SPRTN: variants seen among roughly 807,000 people sequenced by gnomAD.
SPRTN encodes SprT-like N-terminal domain, also known as DNA-dependent metalloprotease SPRTN.
Under a neutral mutation model 31.9 loss-of-function variants are expected in SPRTN, and 11 were observed. The observed-to-expected ratio is 0.34, with a 90% CI of 0.22 to 0.57. SPRTN has a LOEUF of 0.57. SPRTN is among the 20% of genes least tolerant of loss of function. The pLI, the probability that SPRTN is intolerant of heterozygous loss-of-function variation, is 0.86. For synonymous variants in SPRTN, 185 were observed against 212.1 expected, an observed-to-expected ratio of 0.87 and a Z score of 1.11; for missense variants, 482 against 590.1, an observed-to-expected ratio of 0.82 and a Z score of 1.90.
chr1:231,354,102 G>T lies in SPRTN; in HGVS notation c.*741G>T. The stretch of plus-strand genomic sequence containing the variant: ...AATTTAGCAGAGTGGTTAAAATTCT[G>T]TGCTGATAAGTAACTGATACATATA... On this transcript the variant is annotated 3_prime_UTR_variant, in exon 5 of 5. Transcript: ENST00000295050. 1 of 984,976 alleles carries T rather than the reference G, an allele frequency of 1.0e-6. No individual in the cohort carries two copies. Among genetic ancestry groups the T allele is most frequent in the Non-Finnish European group, 1.2e-6 (1 of 829,544 alleles). 61.0% of individuals were successfully genotyped at this position (984,976 alleles called of 1,614,324 possible).
intron 3 of SPRTN, 74 bp from the exon 4 acceptor site, chr1:231,351,226 AAAAG>A: frequency 4.1e-6 from 5 of 1,225,014 alleles, no homozygotes; most frequent in South Asian, 7.0e-5. Context: ...AAAAAAAAAA[AAAAG>A]ACTGCTTATG....
chr1:231,339,630 G>C (rs1437375512), intron 1 of SPRTN, 139 bp from the exon 2 acceptor site: 3 of 897,576 alleles, frequency 3.3e-6, no homozygotes, highest in Admixed American at 2.0e-5. Flanking sequence ...TAGGTGAAAT[G>C]CAAGTATCTG....
chr1:231,346,852 G>A (rs556853224), intron 2 of SPRTN, among the ~76,000 whole-genome samples: 1 of 152,018 alleles, frequency 6.6e-6, no homozygotes, highest in African/African-American at 2.4e-5. Flanking sequence ...TGAGGCACGA[G>A]AATCACTTGG....
chr1:231,346,931 G>A (rs957833476), intron 2 of SPRTN, among the ~76,000 whole-genome samples: 4 of 126,898 alleles, frequency 3.2e-5, no homozygotes, highest in African/African-American at 1.1e-4. Flanking sequence ...AACAGAGTAA[G>A]ACCCTGTCTC....
intron 3 of SPRTN, among the ~76,000 whole-genome samples, chr1:231,349,764 C>T (rs557375592): frequency 2.0e-4 from 30 of 152,296 alleles, no homozygotes; most frequent in African/African-American, 6.3e-4. Flanking sequence ...AATCCCAGCA[C>T]TTTGGGAGGC....
rs954645715 is a variant in SPRTN at position 231,353,358 on chromosome 1, T to G, written c.1467T>G (p.Leu489=). The G allele has an allele frequency of 1.3e-6, 2 of 1,572,350 alleles. No homozygotes were observed. The highest frequency in any genetic ancestry group is 1.7e-6 in the Non-Finnish European group (2 of 1,164,620). ...TCAAAGTCAAAAGCGAAGAAAGTCT[T>G]TGAAAAAGGTTTCAAAGTCTCAAGT... ...DSIKVKSEES[L] Residue 489 remains leucine (L), a synonymous_variant, in exon 5 of 5, where the codon CTT becomes CTG. Transcript: ENST00000295050.
intron 2 of SPRTN, chr1:231,344,729 A>C (rs1207992400): frequency 6.4e-6 from 2 of 312,402 alleles, no homozygotes; most frequent in African/African-American, 4.4e-5. Context: ...GTCTTTGAAG[A>C]TCTTTCTGAT....
intron 4 of SPRTN, chr1:231,351,972 G>C (rs1419502336): frequency 2.1e-5 from 21 of 1,008,044 alleles, no homozygotes; most frequent in Admixed American, 5.5e-5. Context: ...ACAATGCCCG[G>C]AATATACGTC....
chr1:231,350,771 T>A (rs1687199820), intron 3 of SPRTN, among the ~76,000 whole-genome samples: 1 of 152,066 alleles, frequency 6.6e-6, no homozygotes. Context: ...ACTTGGAGAA[T>A]GTGGAGAGTG....
At chr1:231,339,464 C>A in intron 1 of SPRTN, 1 of 591,552 alleles carries the variant, frequency 1.7e-6, no homozygotes, top group South Asian at 1.7e-5. Flanking sequence ...CACTAGGTCC[C>A]CGTTGTACAC....
Position 231,352,599 on chromosome 1 carries a change from T to A in SPRTN, c.719-11T>A. On this transcript the variant is annotated splice_polypyrimidine_tract_variant and intron_variant, in intron 4 of 4. Transcript: ENST00000295050. Reference sequence around the variant, plus strand: ...GCACTTACATAACAATCTTCTTTGCTTTTTTGGCAGATAAACCCAACAGAG... The same window carrying A: ...GCACTTACATAACAATCTTCTTTGCATTTTTGGCAGATAAACCCAACAGAG... The A allele has an allele frequency of 6.5e-7, 1 of 1,548,546 alleles. No individual in the cohort carries two copies. The highest frequency in any genetic ancestry group is 8.7e-7 in the Non-Finnish European group (1 of 1,152,640).
At chr1:231,349,495 G>A (rs773789640) in intron 3 of SPRTN, among the ~76,000 whole-genome samples, 5 of 152,126 alleles carry the variant, frequency 3.3e-5, no homozygotes, top group African/African-American at 7.2e-5. Flanking sequence ...CCTTGTATAC[G>A]TCCCATTGTT....
chr1:231,352,397 G>A, intron 4 of SPRTN: 1 of 1,226,270 alleles, frequency 8.2e-7, no homozygotes. Context: ...TTAAATATGA[G>A]AGAATTTTTT....
chr1:231,339,949 G>C, intron 2 of SPRTN, 81 bp downstream of exon 2: 1 of 1,328,052 alleles, frequency 7.5e-7, no homozygotes, highest in Non-Finnish European at 1.1e-6. Context: ...GAATTCGCCT[G>C]TATGTATCGT....
At chr1:231,340,046 GT>G in intron 2 of SPRTN, 178 bp downstream of exon 2, 2 of 249,938 alleles carry the variant, frequency 8.0e-6, no homozygotes, top group East Asian at 7.4e-5. Flanking sequence ...GTGCTTCATA[GT>G]AAAAAAAAAA....
chr1:231,354,729 A>G lies in SPRTN; in HGVS notation c.*1368A>G, dbSNP rs1687342447. ...TATTCATCCATTCTAATGTTAATGG[A>G]CATTTGAATTATTTCCAGTTTGGGG... On this transcript the variant is annotated 3_prime_UTR_variant, in exon 5 of 5. Coordinates refer to ENST00000295050, the MANE Select transcript of SPRTN (RefSeq NM_032018.7). The G allele has an allele frequency of 6.6e-6, 1 of 152,536 alleles. No individual in the cohort carries two copies. Among genetic ancestry groups the G allele is most frequent in the South Asian group, 2.1e-4 (1 of 4,844 alleles). The allele number at this position is 152,536 out of a possible 1,614,324, so 9.4% of individuals were successfully genotyped here.
chr1:231,350,131 A>G (rs1195093358), intron 3 of SPRTN, among the ~76,000 whole-genome samples: 1 of 152,228 alleles, frequency 6.6e-6, no homozygotes, highest in African/African-American at 2.4e-5. Flanking sequence ...TATGTCCTTC[A>G]GTCCCTTCTG....
chr1:231,352,542 A>T, intron 4 of SPRTN, 68 bp from the exon 5 acceptor site: 5 of 1,515,884 alleles, frequency 3.3e-6, no homozygotes, highest in Non-Finnish European at 1.8e-6. Context: ...ACATTAGTTT[A>T]ATGTTTGTTA....
Position 231,354,144 on chromosome 1 carries a change from G to GT in SPRTN, c.*785dup. ...ATACATATAACATAAACATAACAAAGTTGCCTAGTTGATGTAACAGTGGAA... is the reference window on the plus strand; with the variant it reads ...ATACATATAACATAAACATAACAAAGTTTGCCTAGTTGATGTAACAGTGGAA... On this transcript the variant is annotated 3_prime_UTR_variant, in exon 5 of 5. Coordinates refer to ENST00000295050, the MANE Select transcript of SPRTN (RefSeq NM_032018.7). 1.0e-6 allele frequency: 1 copy of GT among 985,136 alleles called. No individual in the cohort carries two copies. The highest frequency in any genetic ancestry group is 5.2e-4 in the Middle Eastern group (1 of 1,914). The allele number at this position is 985,136 out of a possible 1,614,324, so 61.0% of individuals were successfully genotyped here.
Sources: allele counts gnomAD v4.1 joint callset (sites outside exome capture counted in the v4.1 genomes callset), GRCh38; gene constraint gnomAD v4.1.1; transcripts MANE v1.5; gene names NCBI Gene and HGNC (gene_info 2026-07-23, HGNC 2026-07-21).